KIFAP3: variants seen among roughly 807,000 people sequenced by gnomAD.
KIFAP3 encodes the protein kinesin associated protein 3, also known as kinesin-associated protein 3.
Under a neutral mutation model 106.5 loss-of-function variants are expected in KIFAP3, and 68 were observed. The observed-to-expected ratio is 0.64, with a 90% confidence interval of 0.53 to 0.78. The LOEUF (loss-of-function observed/expected upper bound fraction) is 0.78, where lower values mean the gene tolerates loss of function less well. Among genes scored for constraint, KIFAP3 ranks in the 30% least tolerant of loss-of-function variants. The probability of loss-of-function intolerance (pLI) is 0.00; values close to 1 mark genes in which losing one functional copy is unlikely to be tolerated. For synonymous variants in KIFAP3, 320 were observed against 311.5 expected (o/e 1.03, Z -0.29); for missense variants, 780 against 941.8 (o/e 0.83, Z 2.25).
intron 1 of KIFAP3, chr1:170,084,892 A>T (rs1208288852): frequency 2.6e-5 from 4 of 152,200 alleles, no homozygotes; most frequent in African/African-American, 9.6e-5. Context: ...TATTACTTTC[A>T]GCAATATTCG....
At chr1:170,047,763 G>A (rs187744714) in intron 2 of KIFAP3, among the ~76,000 whole-genome samples, 2 of 151,866 alleles carry the variant, frequency 1.3e-5, no homozygotes, top group Non-Finnish European at 2.9e-5. Flanking sequence ...TTTAAAGTTA[G>A]CCCAGGAGAT....
At chr1:169,999,291 T>C (rs558994564) in intron 10 of KIFAP3, among the ~76,000 whole-genome samples, 3 of 152,280 alleles carry the variant, frequency 2.0e-5, no homozygotes, top group African/African-American at 4.8e-5. Context: ...TAAGAATTCA[T>C]GACTAGAAGC....
chr1:169,937,184 C>T (rs948104178), intron 19 of KIFAP3, among the ~76,000 whole-genome samples: 3 of 151,432 alleles, frequency 2.0e-5, no homozygotes, highest in Non-Finnish European at 4.4e-5. Flanking sequence ...CTATATAAGC[C>T]TCTTAAAGAG....
At chr1:170,063,461 C>G (rs928019115) in intron 1 of KIFAP3, among the ~76,000 whole-genome samples, 1 of 152,126 alleles carries the variant, frequency 6.6e-6, no homozygotes, top group Non-Finnish European at 1.5e-5. Flanking sequence ...ATCAGTGTCT[C>G]CCATTTCCTA....
At chr1:170,021,698 C>G (rs1348252756) in intron 9 of KIFAP3, among the ~76,000 whole-genome samples, 3 of 151,768 alleles carry the variant, frequency 2.0e-5, no homozygotes, top group Admixed American at 2.0e-4. Flanking sequence ...CCTTAGCCTC[C>G]CAAAGTGCTG....
At chr1:169,999,046 A>G (rs1391021592) in intron 10 of KIFAP3, among the ~76,000 whole-genome samples, 1 of 152,214 alleles carries the variant, frequency 6.6e-6, no homozygotes, top group Non-Finnish European at 1.5e-5. Context: ...GCCAACATTT[A>G]ATATTACGAC....
chr1:169,988,984 A>G (rs912561434), intron 11 of KIFAP3, among the ~76,000 whole-genome samples: 11 of 151,980 alleles, frequency 7.2e-5, no homozygotes, highest in African/African-American at 2.4e-4. Context: ...AACATCAAAA[A>G]TCCTTGACCT....
intron 2 of KIFAP3, among the ~76,000 whole-genome samples, chr1:170,052,353 C>T (rs12139629): frequency 0.063 from 9,648 of 151,980 alleles, 386 homozygotes; most frequent in Non-Finnish European, 0.095. Context: ...AATAGCTTAC[C>T]AACCAAAAAA....
chr1:170,004,505 A>T (rs1667841135), intron 10 of KIFAP3, among the ~76,000 whole-genome samples: 3 of 152,078 alleles, frequency 2.0e-5, no homozygotes, highest in African/African-American at 7.2e-5. Context: ...GTACCAAAAC[A>T]GAGATATAGA....
At chr1:169,973,717 T>C (rs573319925) in intron 16 of KIFAP3, among the ~76,000 whole-genome samples, 2 of 151,962 alleles carry the variant, frequency 1.3e-5, no homozygotes, top group Admixed American at 6.6e-5. Flanking sequence ...GGGAAATAAC[T>C]GTCAACCTAG....
intron 2 of KIFAP3, among the ~76,000 whole-genome samples, chr1:170,049,286 G>A (rs978253225): frequency 6.6e-6 from 1 of 152,206 alleles, no homozygotes; most frequent in Non-Finnish European, 1.5e-5. Context: ...CCTCCTCACT[G>A]GGCAGGGCAT....
chr1:169,932,777 A>G (rs1291685954), intron 19 of KIFAP3, among the ~76,000 whole-genome samples: 1 of 151,666 alleles, frequency 6.6e-6, no homozygotes, highest in African/African-American at 2.4e-5. Context: ...TCAGTTTGGG[A>G]ACATTTTGGA....
intron 7 of KIFAP3, among the ~76,000 whole-genome samples, chr1:170,033,186 A>C (rs373325908): frequency 1.0e-3 from 157 of 151,844 alleles, no homozygotes; most frequent in African/African-American, 3.6e-3. Flanking sequence ...TAAACCTGAA[A>C]AGATTCTAAT....
intron 10 of KIFAP3, among the ~76,000 whole-genome samples, chr1:170,002,556 A>T (rs1372993313): frequency 1.3e-5 from 2 of 152,178 alleles, no homozygotes; most frequent in Non-Finnish European, 2.9e-5. Flanking sequence ...TAAAACTCTT[A>T]AAGTTAGAAG....
intron 10 of KIFAP3, 43 bp downstream of exon 10, chr1:170,016,419 G>C (rs1037281305): frequency 1.3e-6 from 2 of 1,524,792 alleles, no homozygotes; most frequent in Non-Finnish European, 1.8e-6. Flanking sequence ...CAGCGATGTT[G>C]GAAATTCCAG....
At chr1:170,017,963 C>A (rs574010916) in intron 9 of KIFAP3, among the ~76,000 whole-genome samples, 1 of 152,190 alleles carries the variant, frequency 6.6e-6, no homozygotes, top group Non-Finnish European at 1.5e-5. Context: ...AGGAGAGAAG[C>A]TAGACTAAAA....
intron 3 of KIFAP3, among the ~76,000 whole-genome samples, chr1:170,045,464 T>C (rs1670193724): frequency 6.6e-6 from 1 of 152,198 alleles, no homozygotes; most frequent in Non-Finnish European, 1.5e-5. Flanking sequence ...AAAGAGCCTA[T>C]ATGGCCAACG....
intron 10 of KIFAP3, among the ~76,000 whole-genome samples, chr1:170,003,226 A>T (rs1348836590): frequency 6.6e-6 from 1 of 152,198 alleles, no homozygotes; most frequent in Non-Finnish European, 1.5e-5. Flanking sequence ...TTTTGGACTT[A>T]CTCATTATAG....
At chr1:170,065,318 A>G (rs781503156) in intron 1 of KIFAP3, among the ~76,000 whole-genome samples, 4 of 151,990 alleles carry the variant, frequency 2.6e-5, no homozygotes, top group Non-Finnish European at 5.9e-5. Context: ...TTTCTTTATA[A>G]AAGAAATATT....
Sources: allele counts gnomAD v4.1 joint callset (sites outside exome capture counted in the v4.1 genomes callset), GRCh38; gene constraint gnomAD v4.1.1; transcripts MANE v1.5; gene names NCBI Gene and HGNC (gene_info 2026-07-23, HGNC 2026-07-21).